Variants in TRMT2B observed in about 807,000 individuals in gnomAD.
The protein encoded by TRMT2B is tRNA methyltransferase 2B, also known as tRNA (uracil-5-)-methyltransferase homolog B.
TRMT2B carries 34 observed loss-of-function variants against 39.7 expected under a neutral mutation model. The ratio of observed to expected loss-of-function variants is 0.86; its 90% confidence interval spans 0.65 to 1.14. The LOEUF (loss-of-function observed/expected upper bound fraction) is 1.14, where lower values mean the gene tolerates loss of function less well. Among genes scored for constraint, TRMT2B ranks in the 50% most tolerant of loss-of-function variants. The pLI is 0.00. For synonymous variants in TRMT2B, 132 were observed against 137.3 expected (o/e 0.96, Z 0.27); for missense variants, 318 against 377.2 (o/e 0.84, Z 1.30).
chrX:100,985,533 C>G, the TRMT2B span: 2 of 700,248 alleles, frequency 2.9e-6, no homozygotes, highest in Non-Finnish European at 4.1e-6. Context: ...GATTGCTTTT[C>G]CTCTCTTCCC....
At chrX:100,974,154 G>A in the TRMT2B span, 1 of 1,190,384 alleles carries the variant, frequency 8.4e-7, no homozygotes, top group East Asian at 3.0e-5. Context: ...TCATTGGCTT[G>A]AACAACTCTG....
intron 7 of TRMT2B, 118 bp from the exon 8 acceptor site, chrX:101,023,734 T>G: frequency 1.5e-6 from 1 of 675,670 alleles, no homozygotes; most frequent in Non-Finnish European, 2.1e-6. Flanking sequence ...TGTTGAAGCC[T>G]TAACCACCAG....
chrX:100,982,265 T>G, the TRMT2B span, among the ~76,000 whole-genome samples: 1 of 109,928 alleles, frequency 9.1e-6, no homozygotes, highest in South Asian at 3.9e-4. Context: ...CCAAGGCGGG[T>G]GGATCACCTG....
rs772089364 is a variant in TRMT2B, at chrX:101,026,083, AAG to A, written c.610-2469_610-2468del. On this transcript the variant is annotated intron_variant, in intron 7 of 13. Coordinates refer to ENST00000372936, the MANE Select transcript of TRMT2B (RefSeq NM_024917.6). ...GAGGGAGGAAGGAAGGAAGGAAAGA[AAG>A]AAAAAAAGAGAGGAAGGAAGAAAGA... Among the ~76,000 whole-genome samples the A allele has an allele frequency of 8.9e-4, 98 of 110,602 alleles. No homozygotes were observed. The East Asian group carries it at 0.019, about 21-fold the overall frequency.
intron 8 of TRMT2B, among the ~76,000 whole-genome samples, chrX:101,022,936 C>T (rs1381259431): frequency 8.0e-5 from 9 of 112,260 alleles, no homozygotes; most frequent in Non-Finnish European, 1.5e-4. Flanking sequence ...CAAATCCTAG[C>T]TTTGCTATTT....
Position 101,018,959 on chromosome X carries a change from G to C in TRMT2B, c.1388+12C>G. On this transcript the variant is annotated intron_variant, in intron 13 of 13. Coordinates refer to ENST00000372936, the MANE Select transcript of TRMT2B (RefSeq NM_024917.6). ...TCAGAACAAAAAATTTTAAACAGAA[G>C]TCAAGACTTACTCAATGACATTCCT... 2 of 1,151,116 alleles carry C rather than the reference G, an allele frequency of 1.7e-6. No individual in the cohort carries two copies. The highest frequency in any genetic ancestry group is 1.8e-5 in the South Asian group (1 of 55,550). The allele number at this position is 1,151,116 out of a possible 1,213,427, so 94.9% of individuals were successfully genotyped here. A position where few individuals can be genotyped will look rare whatever the true frequency, so the allele number is the denominator to read the frequency against.
At chrX:100,982,636 A>C in the TRMT2B span, among the ~76,000 whole-genome samples, 3 of 92,942 alleles carry the variant, frequency 3.2e-5, no homozygotes, top group Admixed American at 2.7e-4. Context: ...GGGCCTATGG[A>C]ATCTACAGTT....
the TRMT2B span, among the ~76,000 whole-genome samples, chrX:101,003,058 G>A: frequency 2.0e-5 from 2 of 100,161 alleles, no homozygotes; most frequent in African/African-American, 7.5e-5. Context: ...GAAAATAGAA[G>A]TGCGTGCCAC....
the TRMT2B span, chrX:100,987,454 G>A: frequency 6.9e-5 from 83 of 1,209,259 alleles, no homozygotes; most frequent in Middle Eastern, 4.6e-4. Context: ...GAAGGACTGC[G>A]CTGGCTATTA....
chrX:100,997,012 T>A, the TRMT2B span, among the ~76,000 whole-genome samples: 1 of 112,141 alleles, frequency 8.9e-6, no homozygotes, highest in African/African-American at 3.2e-5. Context: ...AACTAGATTT[T>A]TTTTTTGATA....
At chrX:101,012,947 T>C (rs1472009425) in intron 13 of TRMT2B, among the ~76,000 whole-genome samples, 1 of 110,587 alleles carries the variant, frequency 9.0e-6, no homozygotes, top group Non-Finnish European at 1.9e-5. Context: ...GTCTCCCAAA[T>C]AGCTGGGATT....
intron 2 of TRMT2B, among the ~76,000 whole-genome samples, chrX:101,049,487 C>CAAAA (rs1168727839): frequency 9.2e-5 from 2 of 21,628 alleles, no homozygotes; most frequent in Non-Finnish European, 1.4e-4. Flanking sequence ...ACCCTGTCTC[C>CAAAA]AAAAAAAAAA....
chrX:101,014,682 G>A (rs1158296597), intron 13 of TRMT2B, among the ~76,000 whole-genome samples: 3 of 110,337 alleles, frequency 2.7e-5, no homozygotes, highest in Non-Finnish European at 5.7e-5. Context: ...TGGGACTATA[G>A]GCACATTACT....
intron 9 of TRMT2B, 68 bp from the exon 10 acceptor site, chrX:101,021,383 C>A: frequency 1.0e-6 from 1 of 988,756 alleles, no homozygotes; most frequent in Non-Finnish European, 1.4e-6. Context: ...AATCCCAGCA[C>A]TTTGGGAGGC....
chrX:101,003,334 G>A, the TRMT2B span, among the ~76,000 whole-genome samples: 1 of 92,982 alleles, frequency 1.1e-5, no homozygotes, highest in Non-Finnish European at 2.1e-5. Context: ...TGGCATTAGA[G>A]TGACATCCGA....
chrX:100,987,184 G>A, the TRMT2B span, among the ~76,000 whole-genome samples: 2 of 112,281 alleles, frequency 1.8e-5, no homozygotes, highest in Non-Finnish European at 3.8e-5. Context: ...AGACACCACA[G>A]CCACTTTATT....
chrX:101,021,304 C>T lies in TRMT2B; in HGVS notation c.863G>A (p.Arg288His), dbSNP rs767262534. ...ATAGGGAGACTGCTGATGGCTGCAACGGGTCATGGTACTGGAAAGGAATAA... is the reference window on the plus strand; with the variant it reads ...ATAGGGAGACTGCTGATGGCTGCAATGGGTCATGGTACTGGAAAGGAATAA... Reference protein sequence around the residue: ...SLYFQESTMTRCSHQQSPYQL... With the variant: ...SLYFQESTMTHCSHQQSPYQL... The change falls in exon 10 of 14, where the codon CGT (arginine) becomes CAT (histidine). Residue 288 changes from arginine (R) to histidine (H), a missense_variant. By Grantham distance (29) the Arg-to-His change is conservative. Coordinates refer to ENST00000372936, the MANE Select transcript of TRMT2B (RefSeq NM_024917.6). 6.6e-6 allele frequency: 8 copies of T among 1,207,748 alleles called. No individual in the cohort carries two copies. The highest frequency in any genetic ancestry group is 1.7e-5 in the African/African-American group (1 of 57,755).
At chrX:101,032,814 A>G (rs949723794) in intron 7 of TRMT2B, among the ~76,000 whole-genome samples, 6 of 106,633 alleles carry the variant, frequency 5.6e-5, no homozygotes, top group Admixed American at 1.0e-4. Context: ...CCAGCAAAAG[A>G]AGCCCCAGGA....
At chrX:101,004,212 AAGTTGGAGAAAAAGAT>A in the TRMT2B span, among the ~76,000 whole-genome samples, 1 of 110,605 alleles carries the variant, frequency 9.0e-6, no homozygotes, top group Non-Finnish European at 1.9e-5. Context: ...CATATTGCCC[AAGTTGGAGAAAAAGAT>A]TTTAAAACTT....
Sources: allele counts gnomAD v4.1 joint callset (sites outside exome capture counted in the v4.1 genomes callset), GRCh38; gene constraint gnomAD v4.1.1; transcripts MANE v1.5; gene names NCBI Gene and HGNC (gene_info 2026-07-23, HGNC 2026-07-21).